The following TRPV3 variants were observed in gnomAD, a reference collection of about 807,000 sequenced individuals.
The protein encoded by TRPV3 is transient receptor potential cation channel subfamily V member 3.
TRPV3 carries 88 observed loss-of-function variants against 87.1 expected under a neutral mutation model. That is an observed-to-expected ratio of 1.01 (90% CI 0.85 to 1.21). TRPV3 has a LOEUF of 1.21. Ranked by LOEUF, TRPV3 falls within the 50% of genes most tolerant of loss-of-function variation. TRPV3 has a pLI of 0.00. For missense variants in TRPV3, 1,054 were observed against 1,030.1 expected (o/e 1.02, Z -0.32); for synonymous variants, 438 against 423.3 (o/e 1.03, Z -0.43).
At chr17:3,519,421 A>G (rs113085034) in intron 14 of TRPV3, among the ~76,000 whole-genome samples, 243 of 46,430 alleles carry the variant, frequency 5.2e-3, no homozygotes, top group African/African-American at 0.024. Flanking sequence ...TGGATGGATG[A>G]TTGGATGGAT....
intron 12 of TRPV3, 96 bp from the exon 13 acceptor site, chr17:3,524,459 C>T (rs2074277055): frequency 6.7e-7 from 1 of 1,487,274 alleles, no homozygotes; most frequent in East Asian, 2.3e-5. Flanking sequence ...ACCCCCTGAA[C>T]AGTCACCCCG....
chr17:3,554,825 A>T lies in TRPV3; in HGVS notation c.26T>A (p.Val9Glu). Reference protein sequence around the residue: MKAHPKEMVPLMGKRVAAP... With the variant: MKAHPKEMEPLMGKRVAAP... ...AGCAACTCTCTTGCCCATGAGAGGC[A>T]CCATCTCCTTGGGGTGGGCTTTCAT... Residue 9 changes from valine (V) to glutamate (E), a missense_variant, in exon 2 of 18, where the codon GTG (valine) becomes GAG (glutamate). Physicochemically the swap from Val to Glu is moderately radical, Grantham distance 121 (BLOSUM62 -2). Coordinates refer to ENST00000576742, the MANE Select transcript of TRPV3 (RefSeq NM_145068.4). The T allele has an allele frequency of 6.2e-7, 1 of 1,612,396 alleles. No homozygotes were observed. Among genetic ancestry groups the T allele is most frequent in the Non-Finnish European group, 8.5e-7 (1 of 1,179,466 alleles).
rs1041494198 is a variant in TRPV3, at chr17:3,511,293, C to G, written c.*2624G>C. On this transcript the variant is annotated 3_prime_UTR_variant, in exon 18 of 18. Transcript: ENST00000576742. ...GAGACACCTGAGAAAATAGTCCTGC[C>G]CCCCAATATAAGCGAAATACAAAGA... 3.3e-5 allele frequency: 5 copies of G among 152,026 alleles called. No individual in the cohort carries two copies. Among genetic ancestry groups the G allele is most frequent in the South Asian group, 2.1e-4 (1 of 4,806 alleles). The allele number at this position is 152,026 out of a possible 1,614,324, so 9.4% of individuals were successfully genotyped here.
chr17:3,515,255 CG>C (rs1470004431), intron 16 of TRPV3, among the ~76,000 whole-genome samples: 1 of 152,142 alleles, frequency 6.6e-6, no homozygotes, highest in Admixed American at 6.5e-5. Flanking sequence ...ATGCTTTCCA[CG>C]GGGCGCGGTT....
At position 3,535,582 on chromosome 17, in the gene TRPV3, A is replaced by G. The variant is rs2074401574; in HGVS notation, c.775T>C (p.Phe259Leu). 2 of 1,601,524 alleles carry G rather than the reference A, an allele frequency of 1.2e-6. No homozygotes were observed. Among genetic ancestry groups the G allele is most frequent in the Non-Finnish European group, 1.7e-6 (2 of 1,175,472 alleles). ...CGGGGGCGGCACCCACCGAAGTAGA[A>G]GCCTTCGTGTTGGTACTTGGGGTTG... ...FFNPKYQHEG[F>L]YFGETPLALA... is the part of the protein sequence containing the mutation. Residue 259 changes from phenylalanine to leucine, a missense_variant, in exon 7 of 18, where the codon TTC (phenylalanine) becomes CTC (leucine). Coordinates refer to ENST00000576742, the MANE Select transcript of TRPV3 (RefSeq NM_145068.4).
At chr17:3,550,520 C>CTTTTTTTTTTT (rs35400667) in intron 2 of TRPV3, among the ~76,000 whole-genome samples, 12 of 92,184 alleles carry the variant, frequency 1.3e-4, no homozygotes, top group African/African-American at 3.6e-4. Context: ...CCTGCCTGCT[C>CTTTTTTTTTTT]TTTTTTTTTT....
chr17:3,554,670 C>G, intron 2 of TRPV3, 62 bp downstream of exon 2: 1 of 1,184,494 alleles, frequency 8.4e-7, no homozygotes, highest in Non-Finnish European at 1.2e-6. Flanking sequence ...TGGGGGGGTG[C>G]CAGGCCCCCA....
rs750430910 is a variant in TRPV3 at position 3,535,632 on chromosome 17, T to C, written c.725A>G (p.Asn242Ser). Reference sequence around the variant, plus strand: ...GAAGAAGGCCCCCTTGGCGTGCGCGTTGACGTCGGCGCCGGCGGCGATGAG... The same window carrying C: ...GAAGAAGGCCCCCTTGGCGTGCGCGCTGACGTCGGCGCCGGCGGCGATGAG... ...ALLIAAGADV[N>S]AHAKGAFFNP... The change falls in exon 7 of 18, where the codon AAC becomes AGC. Residue 242 changes from asparagine (N) to serine (S), a missense_variant. Transcript: ENST00000576742. 3 of 1,609,294 alleles carry C rather than the reference T, an allele frequency of 1.9e-6. No homozygotes were observed. Among genetic ancestry groups the C allele is most frequent in the East Asian group, 4.5e-5 (2 of 44,046 alleles).
At chr17:3,544,488 C>A in intron 4 of TRPV3, 91 bp downstream of exon 4, 3 of 772,882 alleles carry the variant, frequency 3.9e-6, no homozygotes, top group Non-Finnish European at 6.2e-6. Flanking sequence ...ATGGTGGATT[C>A]TTTCTCCTTC....
At chr17:3,555,896 G>T (rs2074626080) in intron 1 of TRPV3, among the ~76,000 whole-genome samples, 1 of 152,180 alleles carries the variant, frequency 6.6e-6, no homozygotes. Context: ...TGTGGCTTCA[G>T]GCAGGCACAG....
rs747102225 is a variant in TRPV3 at position 3,524,209 on chromosome 17, T to C, written c.1732A>G (p.Met578Val). The C allele has an allele frequency of 3.1e-6, 5 of 1,614,108 alleles. No individual in the cohort carries two copies. Among genetic ancestry groups the C allele is most frequent in the Non-Finnish European group, 3.4e-6 (4 of 1,179,994 alleles). Residue 578 changes from methionine to valine, a missense_variant, in exon 13 of 18, where the codon ATG (methionine) becomes GTG (valine). Transcript: ENST00000576742. Reference protein sequence around the residue: ...GFQSMGMYSVMIQKVILHDVL... With the variant: ...GFQSMGMYSVVIQKVILHDVL... ...AGCTCTCAACGCACCTTCTGGATCA[T>C]GACGCTGTACATGCCCATGGACTGG...
At chr17:3,514,542 T>C (rs2074156306) in intron 17 of TRPV3, 51 bp downstream of exon 17, 1 of 1,362,708 alleles carries the variant, frequency 7.3e-7, no homozygotes, top group Admixed American at 1.7e-5. Flanking sequence ...TGCCCAAGGT[T>C]ACATGGTCTG....
chr17:3,532,870 G>A lies in TRPV3; in HGVS notation c.852C>T (p.His284=), dbSNP rs144990390. The A allele has an allele frequency of 3.1e-4, 497 of 1,614,094 alleles. No individual in the cohort carries two copies. Among genetic ancestry groups the A allele is most frequent in the Non-Finnish European group, 2.1e-4 (251 of 1,180,034 alleles). ...QPEIVQLLME[H]EQTDITSRDS... Reference sequence around the variant, plus strand: ...CCCGCGAGGTGATGTCCGTCTGCTCGTGCTCCATCAGCAGCTGCACAATCT... The same window carrying A: ...CCCGCGAGGTGATGTCCGTCTGCTCATGCTCCATCAGCAGCTGCACAATCT... Residue 284 remains histidine (H), a synonymous_variant, in exon 8 of 18, where the codon CAC becomes CAT. Coordinates refer to ENST00000576742, the MANE Select transcript of TRPV3 (RefSeq NM_145068.4).
chr17:3,512,537 A>G lies in TRPV3; in HGVS notation c.*1380T>C, dbSNP rs943473331. The G allele has an allele frequency of 2.6e-5, 4 of 152,180 alleles. No homozygotes were observed. Among genetic ancestry groups the G allele is most frequent in the Non-Finnish European group, 5.9e-5 (4 of 68,042 alleles). 9.4% of individuals were successfully genotyped at this position (152,180 alleles called of 1,614,324 possible). The stretch of plus-strand genomic sequence containing the variant: ...CAAATTTCTATTTCTGCCATTTAAG[A>G]TTAACATTTATGGTTACTATTTTTA... On this transcript the variant is annotated 3_prime_UTR_variant, in exon 18 of 18. Transcript: ENST00000576742.
intron 4 of TRPV3, 47 bp downstream of exon 4, chr17:3,544,532 C>A: frequency 7.8e-7 from 1 of 1,288,690 alleles, no homozygotes; most frequent in Non-Finnish European, 1.1e-6. Flanking sequence ...CTCTGGCACC[C>A]CCAGCCTGGG....
At chr17:3,544,213 T>C (rs539394925) in intron 4 of TRPV3, among the ~76,000 whole-genome samples, 4 of 152,376 alleles carry the variant, frequency 2.6e-5, no homozygotes, top group African/African-American at 9.6e-5. Context: ...TTCACCATGT[T>C]GGTCAGGCTT....
Position 3,532,953 on chromosome 17 carries a change from A to C in TRPV3, c.785-16T>G. 1 of 1,611,668 alleles carries C rather than the reference A, an allele frequency of 6.2e-7. No homozygotes were observed. The highest frequency in any genetic ancestry group is 8.5e-7 in the Non-Finnish European group (1 of 1,178,856). ...GGCGTCTCACCTGGGGGATGAGCGC[A>C]CTGAAGCTTGGTTCTCTCATGGGCC... On this transcript the variant is annotated splice_polypyrimidine_tract_variant and intron_variant, in intron 7 of 17. Transcript: ENST00000576742.
rs141878503 is a variant in TRPV3, at chr17:3,556,819, C to T, written c.-3+857G>A. 1.6e-3 allele frequency among the ~76,000 whole-genome samples: 240 copies of T among 152,210 alleles called. 3 individuals carry two copies. In the East Asian group the frequency reaches 0.029, roughly 18 times the overall value. ...GTCACGGCCTGATGAGGATGGGCAG[C>T]CTCTATGGCTTTCCCCATCCCCACG... On this transcript the variant is annotated intron_variant, in intron 1 of 17. Coordinates refer to ENST00000576742, the MANE Select transcript of TRPV3 (RefSeq NM_145068.4). This position sits in a 1 kb window ranked among gnomAD's most constrained non-coding sequence, Gnocchi z 4.2.
At chr17:3,531,941 C>T (rs1348520117) in intron 8 of TRPV3, among the ~76,000 whole-genome samples, 1 of 152,286 alleles carries the variant, frequency 6.6e-6, no homozygotes, top group South Asian at 2.1e-4. Flanking sequence ...CAACAGTCAC[C>T]ACCCCCCAGT....
Sources: gnomAD v4.1 joint callset for allele counts (sites outside exome capture counted in the v4.1 genomes callset) on GRCh38, gnomAD v4.1.1 for gene constraint, Gnocchi (gnomAD v3.1) non-coding constraint, MANE v1.5 for transcripts, NCBI Gene and HGNC (gene_info 2026-07-23, HGNC 2026-07-21) for gene names.